TDRD3: variants seen among roughly 807,000 people sequenced by gnomAD.
The protein encoded by TDRD3 is tudor domain containing 3, also known as tudor domain-containing protein 3.
In TDRD3, 45 loss-of-function variants were observed where a neutral mutation model predicts 86.7. That is an observed-to-expected ratio of 0.52 (90% confidence interval 0.41 to 0.67). The LOEUF (loss-of-function observed/expected upper bound fraction) is 0.67, where lower values mean the gene tolerates loss of function less well. Among genes scored for constraint, TDRD3 ranks in the 30% least tolerant of loss-of-function variants. The pLI, the probability that TDRD3 is intolerant of heterozygous loss-of-function variation, is 0.00. For missense variants in TDRD3, 814 were observed against 889.0 expected (o/e 0.92, Z 1.07); for synonymous variants, 298 against 301.7 (o/e 0.99, Z 0.13).
At chr13:60,480,713 G>T (rs1004897285) in intron 5 of TDRD3, among the ~76,000 whole-genome samples, 1 of 152,118 alleles carries the variant, frequency 6.6e-6, no homozygotes, top group Non-Finnish European at 1.5e-5. Flanking sequence ...CAGGTTGGGG[G>T]TGTTTTCACA....
intron 7 of TDRD3, among the ~76,000 whole-genome samples, chr13:60,493,385 G>A (rs1956641411): frequency 6.6e-6 from 1 of 151,982 alleles, no homozygotes; most frequent in Non-Finnish European, 1.5e-5. Flanking sequence ...ATATTTGCCA[G>A]GCATGGTGGC....
chr13:60,435,945 G>A (rs1363769829), intron 1 of TDRD3, among the ~76,000 whole-genome samples: 2 of 106,028 alleles, frequency 1.9e-5, no homozygotes, highest in African/African-American at 5.5e-5. Flanking sequence ...TTTTAATTAT[G>A]GCCTTTCTTA....
intron 1 of TDRD3, among the ~76,000 whole-genome samples, chr13:60,437,864 T>C (rs1955158438): frequency 6.6e-6 from 1 of 152,102 alleles, no homozygotes; most frequent in Non-Finnish European, 1.5e-5. Context: ...TTATCTCTTT[T>C]TTCTTCTCCA....
chr13:60,492,818 C>T (rs1956616451), intron 7 of TDRD3, among the ~76,000 whole-genome samples: 1 of 151,386 alleles, frequency 6.6e-6, no homozygotes, highest in Non-Finnish European at 1.5e-5. Flanking sequence ...AATAGAGATG[C>T]TTAATATGTT....
intron 8 of TDRD3, among the ~76,000 whole-genome samples, chr13:60,507,781 G>A (rs550784856): frequency 3.3e-5 from 5 of 152,138 alleles, no homozygotes; most frequent in Non-Finnish European, 7.3e-5. Flanking sequence ...AGGGCATTCA[G>A]GCAACAGAAA....
At chr13:60,482,688 G>A (rs1956342794) in intron 5 of TDRD3, among the ~76,000 whole-genome samples, 1 of 152,086 alleles carries the variant, frequency 6.6e-6, no homozygotes, top group African/African-American at 2.4e-5. Flanking sequence ...TTAAAGAAAC[G>A]TGGCACTCAT....
At chr13:60,483,988 T>C (rs983812214) in intron 6 of TDRD3, 142 bp downstream of exon 6, 19 of 816,534 alleles carry the variant, frequency 2.3e-5, no homozygotes, top group Non-Finnish European at 3.2e-5. Flanking sequence ...AATTTAATAA[T>C]TTTGAGGTTT....
rs187717613 is a variant in TDRD3, at chr13:60,477,918, A to G, written c.496-5857A>G. ...AGTAGGGAGAATTTCCTCCTTCTTG[A>G]TATTTATGGAACAGTTTCGGTAGGA... On this transcript the variant is annotated intron_variant, in intron 5 of 13. Transcript: ENST00000377881. Among the ~76,000 whole-genome samples the G allele has an allele frequency of 5.3e-5, 8 of 152,242 alleles. No individual in the cohort carries two copies. In the South Asian group the frequency reaches 6.2e-4, roughly 12 times the overall value.
intron 5 of TDRD3, among the ~76,000 whole-genome samples, chr13:60,482,337 CTT>C (rs1956335714): frequency 6.6e-6 from 1 of 151,656 alleles, no homozygotes; most frequent in African/African-American, 2.4e-5. Context: ...TTTTTTTTCT[CTT>C]TCTCTCAGGG....
At chr13:60,531,092 A>ACATCTT (rs1957572575) in intron 11 of TDRD3, among the ~76,000 whole-genome samples, 1 of 152,184 alleles carries the variant, frequency 6.6e-6, no homozygotes, top group Admixed American at 6.5e-5. Context: ...CATCTCTGTC[A>ACATCTT]CATCTTTACT....
intron 10 of TDRD3, among the ~76,000 whole-genome samples, chr13:60,517,400 T>C (rs1262508868): frequency 1.3e-5 from 2 of 152,216 alleles, no homozygotes; most frequent in South Asian, 2.1e-4. Flanking sequence ...AAGAATCATC[T>C]ATGTATTGAC....
rs1957032452 is a variant in TDRD3 at position 60,510,501 on chromosome 13, G to A, written c.1016-129G>A. 8 of 986,168 alleles carry A rather than the reference G, an allele frequency of 8.1e-6. No individual in the cohort carries two copies. In the African/African-American group the frequency reaches 8.5e-5, roughly 10 times the overall value. The allele number at this position is 986,168 out of a possible 1,614,324, so 61.1% of individuals were successfully genotyped here. ...AACCTAAAAAAATTACTTAAAAGAT[G>A]TAGACTATACAAAAAATATGAAAAG... On this transcript the variant is annotated intron_variant, in intron 9 of 13. Coordinates refer to ENST00000377881, the MANE Select transcript of TDRD3 (RefSeq NM_001146070.2).
intron 12 of TDRD3, among the ~76,000 whole-genome samples, chr13:60,552,770 T>C (rs1958096340): frequency 6.6e-6 from 1 of 152,266 alleles, no homozygotes. Flanking sequence ...TCTTGTCTTC[T>C]GTGCACTTGT....
chr13:60,464,959 A>T (rs1955886676), intron 4 of TDRD3, among the ~76,000 whole-genome samples: 1 of 152,220 alleles, frequency 6.6e-6, no homozygotes, highest in African/African-American at 2.4e-5. Context: ...TGTTCTCGCA[A>T]AGAAAAGATA....
At chr13:60,436,319 A>G (rs986586799) in intron 1 of TDRD3, among the ~76,000 whole-genome samples, 9 of 152,022 alleles carry the variant, frequency 5.9e-5, no homozygotes, top group Admixed American at 2.0e-4. Context: ...TTAGTCATGA[A>G]TTCTTTGCCT....
At chr13:60,553,753 A>G (rs1367006481) in intron 12 of TDRD3, among the ~76,000 whole-genome samples, 1 of 152,020 alleles carries the variant, frequency 6.6e-6, no homozygotes, top group African/African-American at 2.4e-5. Context: ...AGCATGGGGG[A>G]AACCGACCCC....
At chr13:60,561,316 G>T (rs1292185528) in intron 12 of TDRD3, among the ~76,000 whole-genome samples, 1 of 152,076 alleles carries the variant, frequency 6.6e-6, no homozygotes, top group Non-Finnish European at 1.5e-5. Context: ...CAGAGCCAGA[G>T]GCCTGCATTC....
chr13:60,544,126 T>C (rs961467195), intron 12 of TDRD3, among the ~76,000 whole-genome samples: 1 of 151,894 alleles, frequency 6.6e-6, no homozygotes, highest in African/African-American at 2.4e-5. Flanking sequence ...TTTTTTTCTG[T>C]CGTTAAGCTA....
chr13:60,498,371 G>A (rs1287477265), intron 8 of TDRD3, among the ~76,000 whole-genome samples: 1 of 152,136 alleles, frequency 6.6e-6, no homozygotes, highest in Non-Finnish European at 1.5e-5. Context: ...CCAAGTGGTG[G>A]CACTCAACCA....
Sources: gnomAD v4.1 joint callset for allele counts (sites outside exome capture counted in the v4.1 genomes callset) on GRCh38, gnomAD v4.1.1 for gene constraint, MANE v1.5 for transcripts, NCBI Gene and HGNC (gene_info 2026-07-23, HGNC 2026-07-21) for gene names.